SAE1: variants seen among roughly 807,000 people sequenced by gnomAD.
SAE1 encodes the protein SUMO-activating enzyme subunit 1.
Under a neutral mutation model 40.6 loss-of-function variants are expected in SAE1, and 11 were observed. The ratio of observed to expected loss-of-function variants is 0.27; its 90% CI spans 0.17 to 0.45. The LOEUF (loss-of-function observed/expected upper bound fraction) is 0.45, where lower values mean the gene tolerates loss of function less well. Among genes scored for constraint, SAE1 ranks in the 20% least tolerant of loss-of-function variants. The probability of loss-of-function intolerance (pLI) is 1.00; values close to 1 mark genes in which losing one functional copy is unlikely to be tolerated. For synonymous variants in SAE1, 155 were observed against 154.3 expected, an observed-to-expected ratio of 1.00 and a Z score of -0.03; for missense variants, 373 against 427.3, an observed-to-expected ratio of 0.87 and a Z score of 1.12.
intron 1 of SAE1, among the ~76,000 whole-genome samples, chr19:47,139,263 C>T (rs923487977): frequency 3.4e-4 from 52 of 152,306 alleles, no homozygotes; most frequent in Admixed American, 1.0e-3. Context: ...ACGATGGTCT[C>T]CATCTCCTGA....
chr19:47,195,256 T>C (rs1204466231), intron 6 of SAE1, among the ~76,000 whole-genome samples: 4 of 152,116 alleles, frequency 2.6e-5, no homozygotes, highest in African/African-American at 9.7e-5. Flanking sequence ...GGTTTCACCA[T>C]GTTGGCCAGG....
intron 6 of SAE1, among the ~76,000 whole-genome samples, chr19:47,170,299 C>T (rs1204062820): frequency 1.3e-5 from 2 of 151,094 alleles, no homozygotes; most frequent in Non-Finnish European, 2.9e-5. Flanking sequence ...ACTGCAACCT[C>T]CACCTCCTGG....
At chr19:47,140,487 G>A (rs1192239942) in intron 1 of SAE1, among the ~76,000 whole-genome samples, 1 of 151,870 alleles carries the variant, frequency 6.6e-6, no homozygotes, top group Non-Finnish European at 1.5e-5. Context: ...CCTGACTTCA[G>A]GTGATCTACC....
intron 7 of SAE1, 88 bp from the exon 8 acceptor site, chr19:47,203,583 C>A: frequency 8.3e-7 from 1 of 1,200,252 alleles, no homozygotes. Flanking sequence ...TGTTTTTATT[C>A]AGGAGAGCCT....
chr19:47,167,305 C>T (rs1415399450), intron 5 of SAE1, among the ~76,000 whole-genome samples: 1 of 148,512 alleles, frequency 6.7e-6, no homozygotes, highest in Non-Finnish European at 1.5e-5. Context: ...CTCGCTCTGT[C>T]CCCCAGGCTG....
chr19:47,134,512 C>T (rs148790625), intron 1 of SAE1, among the ~76,000 whole-genome samples: 2 of 151,888 alleles, frequency 1.3e-5, no homozygotes, highest in African/African-American at 2.4e-5. Flanking sequence ...CATAGGTGGA[C>T]TGCATTGATT....
intron 1 of SAE1, among the ~76,000 whole-genome samples, chr19:47,132,264 G>GTTT (rs573334320): frequency 7.1e-6 from 1 of 140,644 alleles, no homozygotes; most frequent in Non-Finnish European, 1.6e-5. Context: ...TGCCCAGCTT[G>GTTT]TTTTTTTTTT....
intron 1 of SAE1, among the ~76,000 whole-genome samples, chr19:47,133,866 G>GT (rs1360686305): frequency 0.022 from 3,089 of 139,420 alleles, 37 homozygotes; most frequent in African/African-American, 0.026. Context: ...TTTTTTGTTT[G>GT]TTTTTTTTTT....
At chr19:47,181,269 T>C (rs2058504177) in intron 6 of SAE1, among the ~76,000 whole-genome samples, 1 of 151,916 alleles carries the variant, frequency 6.6e-6, no homozygotes, top group Admixed American at 6.6e-5. Flanking sequence ...TGAGCCGAGA[T>C]CGCGCCATTG....
intron 6 of SAE1, among the ~76,000 whole-genome samples, chr19:47,186,915 C>T (rs990212632): frequency 4.6e-5 from 7 of 152,130 alleles, no homozygotes; most frequent in African/African-American, 1.7e-4. Flanking sequence ...CAGAGGCTTA[C>T]GAGCCTGCCC....
At position 47,202,160 on chromosome 19, in the gene SAE1, A is replaced by G. The variant is rs188691602; in HGVS notation, c.879-1511A>G. ...CTATATTTAGAAATTTGTCTTAAGG[A>G]ATTATTTCGACGCCTGTGTCTTTGT... On this transcript the variant is annotated intron_variant, in intron 7 of 8. Coordinates refer to ENST00000270225, the MANE Select transcript of SAE1 (RefSeq NM_005500.3). Among the ~76,000 whole-genome samples the G allele has an allele frequency of 3.3e-3, 501 of 152,254 alleles. 3 individuals carry two copies. The highest frequency in any genetic ancestry group is 0.011 in the African/African-American group (475 of 41,546).
intron 6 of SAE1, among the ~76,000 whole-genome samples, chr19:47,174,107 CAGTG>C (rs1279767746): frequency 6.6e-6 from 1 of 151,958 alleles, no homozygotes; most frequent in Admixed American, 6.6e-5. Context: ...TTCCATCCCT[CAGTG>C]GGTATTATGG....
intron 1 of SAE1, among the ~76,000 whole-genome samples, chr19:47,135,762 C>T (rs547643942): frequency 6.6e-6 from 1 of 152,074 alleles, no homozygotes; most frequent in African/African-American, 2.4e-5. Flanking sequence ...GGATTAGAGG[C>T]GTGAACAGCA....
rs1429448164 is a variant in SAE1 at position 47,130,858 on chromosome 19, G to C, written c.-73G>C. ...GCACTCCGGGCGTGCTGCCGGCGGC[G>C]GTAGGTGGCGCGCGGGTCCGGCGGG... On this transcript the variant is annotated 5_prime_UTR_variant, in exon 1 of 9. Transcript: ENST00000270225. 5 of 1,543,410 alleles carry C rather than the reference G, an allele frequency of 3.2e-6. No individual in the cohort carries two copies. The highest frequency in any genetic ancestry group is 3.5e-6 in the Non-Finnish European group (4 of 1,144,228).
At chr19:47,167,142 C>T (rs1267626459) in intron 5 of SAE1, among the ~76,000 whole-genome samples, 2 of 151,892 alleles carry the variant, frequency 1.3e-5, no homozygotes, top group African/African-American at 2.4e-5. Flanking sequence ...TTAGTAGAGA[C>T]AGGGTTTCAC....
chr19:47,208,003 T>G (rs185221708), intron 8 of SAE1, among the ~76,000 whole-genome samples: 260 of 152,224 alleles, frequency 1.7e-3, no homozygotes, highest in Non-Finnish European at 2.9e-3. Context: ...CATTGCTAAA[T>G]AGCATTGTCC....
At chr19:47,150,526 AG>A (rs1264373810) in intron 3 of SAE1, 151 bp downstream of exon 3, 7 of 642,938 alleles carry the variant, frequency 1.1e-5, no homozygotes, top group African/African-American at 9.3e-5. Flanking sequence ...TCTATTGTTT[AG>A]GCTTAGTATA....
chr19:47,173,127 C>T (rs1301509368), intron 6 of SAE1, among the ~76,000 whole-genome samples: 1 of 152,006 alleles, frequency 6.6e-6, no homozygotes, highest in Non-Finnish European at 1.5e-5. Flanking sequence ...CTCCTGGGTT[C>T]GAGCGATTCT....
At chr19:47,168,307 T>G (rs1436996320) in intron 5 of SAE1, among the ~76,000 whole-genome samples, 1 of 152,052 alleles carries the variant, frequency 6.6e-6, no homozygotes, top group Non-Finnish European at 1.5e-5. Context: ...AATATTTCAG[T>G]CTGTATTTTT....
Sources: gnomAD v4.1 joint callset for allele counts (sites outside exome capture counted in the v4.1 genomes callset) on GRCh38, gnomAD v4.1.1 for gene constraint, MANE v1.5 for transcripts, NCBI Gene and HGNC (gene_info 2026-07-23, HGNC 2026-07-21) for gene names.